The following ISLR variants were observed in gnomAD, a reference collection of about 807,000 sequenced individuals.
ISLR encodes the protein immunoglobulin superfamily containing leucine rich repeat.
A neutral mutation model predicts 11.0 loss-of-function variants in ISLR; 9 were observed. The ratio of observed to expected loss-of-function variants is 0.82; its 90% CI spans 0.49 to 1.43. ISLR has a LOEUF of 1.43. ISLR is among the 40% of genes most tolerant of loss of function. ISLR has a pLI of 0.00. For synonymous variants in ISLR, 262 were observed against 264.1 expected (o/e 0.99, Z 0.08); for missense variants, 510 against 576.4 (o/e 0.88, Z 1.18).
rs140374543 is a variant in ISLR, at chr15:74,175,925, G to A, written c.1067G>A (p.Gly356Glu). Reference sequence around the variant, plus strand: ...GGTGAGGGTGGTGAGGACACACTGGGGCGCAGGTTCCATGGCAAAGCGGTT... The same window carrying A: ...GGTGAGGGTGGTGAGGACACACTGGAGCGCAGGTTCCATGGCAAAGCGGTT... ...TPGEGGEDTL[G>E]RRFHGKAVEG... The change falls in exon 2 of 2, where the codon GGG becomes GAG. Residue 356 changes from glycine to glutamate, a missense_variant. Coordinates refer to ENST00000249842, the MANE Select transcript of ISLR (RefSeq NM_005545.4). This position sits in a 1 kb window ranked among gnomAD's most constrained non-coding sequence, Gnocchi z 4.7. 22 of 1,611,660 alleles carry A rather than the reference G, an allele frequency of 1.4e-5. No homozygotes were observed. In the East Asian group the frequency reaches 4.7e-4, roughly 34 times the overall value.
chr15:74,175,326 C>T lies in ISLR; in HGVS notation c.468C>T (p.Asn156=), dbSNP rs1380531781. ...TGCGCTCGCTGCAACTCAACCACAA[C>T]CGCTTGCACACATTGGCCGAGGGCA... ...RALRSLQLNH[N]RLHTLAEGTF... The change falls in exon 2 of 2, where the codon AAC becomes AAT. Residue 156 remains asparagine (N), a synonymous_variant. Transcript: ENST00000249842. This position sits in a 1 kb window ranked among gnomAD's most constrained non-coding sequence, Gnocchi z 4.7. 1.2e-6 allele frequency: 2 copies of T among 1,611,258 alleles called. No individual in the cohort carries two copies.
rs576140565 is a variant in ISLR, at chr15:74,176,058, C to T, written c.1200C>T (p.Val400=). ...GTGCTGGGAACCCTGAGGCTGCAGT[C>T]GCAGAAGGGGTCCCTGGGCAGCTGC... ...LSRAGNPEAA[V]AEGVPGQLPP... The change falls in exon 2 of 2, where the codon GTC becomes GTT. Residue 400 remains valine (V), a synonymous_variant. Coordinates refer to ENST00000249842, the MANE Select transcript of ISLR (RefSeq NM_005545.4). 68 of 1,611,150 alleles carry T rather than the reference C, an allele frequency of 4.2e-5. No homozygotes were observed. The highest frequency in any genetic ancestry group is 4.0e-4 in the South Asian group (36 of 90,674).
intron 1 of ISLR, chr15:74,174,536 G>T: frequency 3.6e-6 from 1 of 281,554 alleles, no homozygotes; most frequent in Non-Finnish European, 6.7e-6. Flanking sequence ...CTGGAAAACA[G>T]ATTTCAAGTC....
In ISLR at chr15:74,176,602, T is replaced by TTTTTTA; in HGVS notation, c.*457_*458insTTTTTA. On this transcript the variant is annotated 3_prime_UTR_variant, in exon 2 of 2. Transcript: ENST00000249842. ...GGAAGTAGACAGTGGCTGGTATGGC[T>TTTTTTA]CTGAGGCTCCCTGGGGCCTGCTCAA... 1 of 178,114 alleles carries TTTTTTA rather than the reference T, an allele frequency of 5.6e-6. No individual in the cohort carries two copies. Among genetic ancestry groups the TTTTTTA allele is most frequent in the Non-Finnish European group, 1.3e-5 (1 of 75,846 alleles). The allele number at this position is 178,114 out of a possible 1,614,324, so 11.0% of individuals were successfully genotyped here. A position where few individuals can be genotyped will look rare whatever the true frequency, so the allele number is the denominator to read the frequency against.
chr15:74,173,713 ACTT>A lies in ISLR; in HGVS notation c.-314_-312del, dbSNP rs2072761676. The stretch of plus-strand genomic sequence containing the variant: ...CTTCCCCCCTCAAGTTTCTGGTGTC[ACTT>A]ATGAAACACAGGTCCTTGTTGCTGC... On this transcript the variant is annotated 5_prime_UTR_variant, in exon 1 of 2. Coordinates refer to ENST00000249842, the MANE Select transcript of ISLR (RefSeq NM_005545.4). The A allele has an allele frequency of 2.6e-5, 4 of 154,416 alleles. No homozygotes were observed. In the Admixed American group the frequency reaches 2.6e-4, roughly 10 times the overall value. The allele number at this position is 154,416 out of a possible 1,614,324, so 9.6% of individuals were successfully genotyped here. A position where few individuals can be genotyped will look rare whatever the true frequency, so the allele number is the denominator to read the frequency against.
rs1350125712 is a variant in ISLR, at chr15:74,175,984, G to A, written c.1126G>A (p.Val376Met). 1 of 1,612,218 alleles carries A rather than the reference G, an allele frequency of 6.2e-7. No homozygotes were observed. Among genetic ancestry groups the A allele is most frequent in the South Asian group, 1.1e-5 (1 of 90,906 alleles). The change falls in exon 2 of 2, where the codon GTG (valine) becomes ATG (methionine). Residue 376 changes from valine (V) to methionine (M), a missense_variant. Val to Met is a conservative substitution (Grantham distance 21). Coordinates refer to ENST00000249842, the MANE Select transcript of ISLR (RefSeq NM_005545.4). This position sits in a 1 kb window ranked among gnomAD's most constrained non-coding sequence, Gnocchi z 4.7. ...GKGCYTVDNEVQPSGPEDNVV... is the reference protein window; with the variant it reads ...GKGCYTVDNEMQPSGPEDNVV... ...GGGCTGCTATACGGTTGACAACGAG[G>A]TGCAGCCATCAGGGCCGGAGGACAA...
rs1400511746 is a variant in ISLR, at chr15:74,175,481, T to A, written c.623T>A (p.Ile208Asn). The A allele has an allele frequency of 6.2e-7, 1 of 1,610,508 alleles. No individual in the cohort carries two copies. Among genetic ancestry groups the A allele is most frequent in the South Asian group, 1.1e-5 (1 of 91,074 alleles). The part of the protein sequence containing the change: ...TAVSIPEQDN[I>N]ACTSPHVLKG... ...GTGTCCATCCCGGAGCAGGACAACA[T>A]CGCCTGCACCTCACCCCATGTGCTC... Residue 208 changes from isoleucine to asparagine, a missense_variant, in exon 2 of 2, where the codon ATC becomes AAC. By Grantham distance (149) the Ile-to-Asn change is moderately radical (BLOSUM62 -3). Transcript: ENST00000249842. The surrounding 1 kb of genome is among the most constrained non-coding windows in gnomAD (Gnocchi z 4.7).
At position 74,175,469 on chromosome 15, in the gene ISLR, A is replaced by G. The variant is rs747377808; in HGVS notation, c.611A>G (p.Glu204Gly). The G allele has an allele frequency of 1.6e-5, 25 of 1,610,792 alleles. No homozygotes were observed. Among genetic ancestry groups the G allele is most frequent in the Non-Finnish European group, 2.0e-5 (24 of 1,179,964 alleles). ...CTGACCACGGCCGTGTCCATCCCGG[A>G]GCAGGACAACATCGCCTGCACCTCA... ...WALTTAVSIP[E>G]QDNIACTSPH... Residue 204 changes from glutamate (E) to glycine (G), a missense_variant, in exon 2 of 2, where the codon GAG (glutamate) becomes GGG (glycine). By Grantham distance (98) the Glu-to-Gly change is moderately conservative. Coordinates refer to ENST00000249842, the MANE Select transcript of ISLR (RefSeq NM_005545.4). This position sits in a 1 kb window ranked among gnomAD's most constrained non-coding sequence, Gnocchi z 4.7.
In ISLR at chr15:74,175,594, G is replaced by A. The variant is rs201312094; in HGVS notation, c.736G>A (p.Glu246Lys). The A allele has an allele frequency of 4.5e-5, 73 of 1,613,666 alleles. No individual in the cohort carries two copies. Among genetic ancestry groups the A allele is most frequent in the South Asian group, 4.2e-4 (38 of 91,050 alleles). ...CTACCAACCCAGCCAGGATGGTGCCGAGCTGCGGCCTGGTTTTGTGCTGGC... is the reference window on the plus strand; with the variant it reads ...CTACCAACCCAGCCAGGATGGTGCCAAGCTGCGGCCTGGTTTTGTGCTGGC... ...LSYQPSQDGA[E>K]LRPGFVLALH... is the part of the protein sequence containing the mutation. Residue 246 changes from glutamate (E) to lysine (K), a missense_variant, in exon 2 of 2, where the codon GAG (glutamate) becomes AAG (lysine). Glu to Lys is a moderately conservative substitution (Grantham distance 56, BLOSUM62 1). Coordinates refer to ENST00000249842, the MANE Select transcript of ISLR (RefSeq NM_005545.4). This position sits in a 1 kb window ranked among gnomAD's most constrained non-coding sequence, Gnocchi z 4.7.
In ISLR at chr15:74,174,891, T is replaced by C; in HGVS notation, c.33T>C (p.Leu11=). The C allele has an allele frequency of 1.9e-6, 3 of 1,544,116 alleles. No individual in the cohort carries two copies. The highest frequency in any genetic ancestry group is 2.6e-6 in the Non-Finnish European group (3 of 1,150,796). Residue 11 remains leucine (L), a synonymous_variant, in exon 2 of 2, where the codon CTT becomes CTC. Coordinates refer to ENST00000249842, the MANE Select transcript of ISLR (RefSeq NM_005545.4). MQELHLLWWA[L]LLGLAQACPE... ...AGCTGCATCTGCTCTGGTGGGCGCT[T>C]CTCCTGGGCCTGGCTCAGGCCTGCC...
chr15:74,176,251 C>T lies in ISLR; in HGVS notation c.*106C>T. The stretch of plus-strand genomic sequence containing the variant: ...CTCCTGAGGCCTGCATGGGTGACTT[C>T]ACATTTTCCTACCTCTCCTTCTAAT... On this transcript the variant is annotated 3_prime_UTR_variant, in exon 2 of 2. Transcript: ENST00000249842. 3.5e-6 allele frequency: 3 copies of T among 849,960 alleles called. No homozygotes were observed. Among genetic ancestry groups the T allele is most frequent in the Non-Finnish European group, 5.4e-6 (3 of 555,926 alleles). 52.7% of individuals were successfully genotyped at this position (849,960 alleles called of 1,614,324 possible).
At position 74,175,957 on chromosome 15, in the gene ISLR, A is replaced by T; in HGVS notation, c.1099A>T (p.Lys367Ter). 6.2e-7 allele frequency: 1 copy of T among 1,611,044 alleles called. No homozygotes were observed. Among genetic ancestry groups the T allele is most frequent in the Non-Finnish European group, 8.5e-7 (1 of 1,177,888 alleles). ...RRFHGKAVEG[K>*]GCYTVDNEVQ... ...GTTCCATGGCAAAGCGGTTGAGGGAAAGGGCTGCTATACGGTTGACAACGA... is the reference window on the plus strand; with the variant it reads ...GTTCCATGGCAAAGCGGTTGAGGGATAGGGCTGCTATACGGTTGACAACGA... Residue 367 changes from lysine (K) to a stop codon, truncating the protein, a stop_gained, in exon 2 of 2, where the codon AAG becomes TAG. Transcript: ENST00000249842. LOFTEE classifies it low-confidence loss of function (END_TRUNC). The surrounding 1 kb of genome is among the most constrained non-coding windows in gnomAD (Gnocchi z 4.7).
Position 74,176,186 on chromosome 15 carries a change from C to A in ISLR, c.*41C>A. On this transcript the variant is annotated 3_prime_UTR_variant, in exon 2 of 2. Coordinates refer to ENST00000249842, the MANE Select transcript of ISLR (RefSeq NM_005545.4). ...CCCTAACTCCTCCCCTTGCCCCTACCAATGCCCCTTTAAGTGCTGCAGGGG... is the reference window on the plus strand; with the variant it reads ...CCCTAACTCCTCCCCTTGCCCCTACAAATGCCCCTTTAAGTGCTGCAGGGG... 1 of 1,489,820 alleles carries A rather than the reference C, an allele frequency of 6.7e-7. No homozygotes were observed. The allele number at this position is 1,489,820 out of a possible 1,614,324, so 92.3% of individuals were successfully genotyped here. A position where few individuals can be genotyped will look rare whatever the true frequency, so the allele number is the denominator to read the frequency against.
Position 74,176,542 on chromosome 15 carries a change from G to A in ISLR, c.*397G>A, listed in dbSNP as rs769991802. ...TGGAGCTGGGGCTTAGCTGGGAGGT[G>A]GTCTGAAGCAGACAGGGAATGGGAG... On this transcript the variant is annotated 3_prime_UTR_variant, in exon 2 of 2. Transcript: ENST00000249842. 5.6e-5 allele frequency: 12 copies of A among 214,346 alleles called. No homozygotes were observed. Among genetic ancestry groups the A allele is most frequent in the Admixed American group, 1.1e-4 (2 of 18,294 alleles). 13.3% of individuals were successfully genotyped at this position (214,346 alleles called of 1,614,324 possible).
chr15:74,174,772 C>T (rs2072772070), intron 1 of ISLR, 79 bp from the exon 2 acceptor site: 16 of 1,160,256 alleles, frequency 1.4e-5, no homozygotes, highest in Non-Finnish European at 1.9e-5. Context: ...TGGGAAAGAG[C>T]TCTGGCTGGG....
chr15:74,174,644 G>A (rs991337081), intron 1 of ISLR: 3 of 476,932 alleles, frequency 6.3e-6, no homozygotes, highest in Non-Finnish European at 1.1e-5. Context: ...GCCTGGCTGC[G>A]TGACCTCGGG....
chr15:74,175,493 C>T lies in ISLR; in HGVS notation c.635C>T (p.Ser212Leu), dbSNP rs761373631. The T allele has an allele frequency of 1.2e-6, 2 of 1,610,472 alleles. No individual in the cohort carries two copies. Among genetic ancestry groups the T allele is most frequent in the Non-Finnish European group, 1.7e-6 (2 of 1,179,968 alleles). Residue 212 changes from serine to leucine, a missense_variant, in exon 2 of 2, where the codon TCA becomes TTA. Transcript: ENST00000249842. The surrounding 1 kb of genome is among the most constrained non-coding windows in gnomAD (Gnocchi z 4.7). ...GAGCAGGACAACATCGCCTGCACCT[C>T]ACCCCATGTGCTCAAGGGTACGCCG... The part of the protein sequence containing the change: ...IPEQDNIACT[S>L]PHVLKGTPLS...
At chr15:74,174,642 G>A (rs1281354589) in intron 1 of ISLR, 2 of 480,628 alleles carry the variant, frequency 4.2e-6, no homozygotes, top group Non-Finnish European at 7.3e-6. Flanking sequence ...CTGCCTGGCT[G>A]CGTGACCTCG....
rs765221584 is a variant in ISLR at position 74,175,622 on chromosome 15, T to C, written c.764T>C (p.Leu255Pro). The C allele has an allele frequency of 6.2e-7, 1 of 1,614,026 alleles. No individual in the cohort carries two copies. The highest frequency in any genetic ancestry group is 1.7e-5 in the Admixed American group (1 of 60,034). Residue 255 changes from leucine (L) to proline (P), a missense_variant, in exon 2 of 2, where the codon CTG (leucine) becomes CCG (proline). By Grantham distance (98) the Leu-to-Pro change is moderately conservative. Transcript: ENST00000249842. This position sits in a 1 kb window ranked among gnomAD's most constrained non-coding sequence, Gnocchi z 4.7. Reference sequence around the variant, plus strand: ...CTGCGGCCTGGTTTTGTGCTGGCACTGCACTGTGATGTGGACGGGCAGCCG... The same window carrying C: ...CTGCGGCCTGGTTTTGTGCTGGCACCGCACTGTGATGTGGACGGGCAGCCG... ...AELRPGFVLA[L>P]HCDVDGQPAP...
Sources: allele counts gnomAD v4.1 joint callset, GRCh38; gene constraint gnomAD v4.1.1; non-coding constraint Gnocchi (gnomAD v3.1); transcripts MANE v1.5; gene names NCBI Gene and HGNC (gene_info 2026-07-23, HGNC 2026-07-21).